The following NAA15 variants were observed in gnomAD, a reference collection of about 807,000 sequenced individuals.
NAA15 encodes the protein N-terminal acetyltransferase.
In NAA15, 34 loss-of-function variants were observed where a neutral mutation model predicts 114.0. The ratio of observed to expected loss-of-function variants is 0.30; its 90% CI spans 0.23 to 0.40. The LOEUF is 0.40. Among genes scored for constraint, NAA15 ranks in the 10% least tolerant of loss-of-function variants. The probability of loss-of-function intolerance (pLI) is 1.00; values close to 1 mark genes in which losing one functional copy is unlikely to be tolerated. For synonymous variants in NAA15, 340 were observed against 338.0 expected (o/e 1.01, Z -0.06); for missense variants, 658 against 1,004.5 (o/e 0.66, Z 4.66).
At chr4:139,373,220 T>C (rs1748493076) in intron 15 of NAA15, among the ~76,000 whole-genome samples, 1 of 152,166 alleles carries the variant, frequency 6.6e-6, no homozygotes, top group Non-Finnish European at 1.5e-5. Context: ...ATAGGGTGTA[T>C]GTACACAAAC....
chr4:139,321,639 T>TC (rs2110865174), intron 1 of NAA15, among the ~76,000 whole-genome samples: 1 of 81,356 alleles, frequency 1.2e-5, no homozygotes, highest in African/African-American at 3.9e-5. Context: ...GCCTGGCTAA[T>TC]TTTTTTTTTT....
In NAA15 at chr4:139,344,234, C is replaced by T. The variant is rs777945946; in HGVS notation, c.586C>T (p.Gln196Ter). The T allele has an allele frequency of 6.2e-7, 1 of 1,612,826 alleles. No homozygotes were observed. Among genetic ancestry groups the T allele is most frequent in the Non-Finnish European group, 8.5e-7 (1 of 1,179,146 alleles). ...DYEYSELLLY[Q>*]NQVLREAGLY... ...TGAATATAGTGAACTACTCTTATATCAGAATCAAGTTCTTCGGGAAGCAGG... is the reference window on the plus strand; with the variant it reads ...TGAATATAGTGAACTACTCTTATATTAGAATCAAGTTCTTCGGGAAGCAGG... Residue 196 changes from glutamine (Q) to a stop codon, truncating the protein, a stop_gained, in exon 6 of 20, where the codon CAG (glutamine) becomes TAG (stop). Coordinates refer to ENST00000296543, the MANE Select transcript of NAA15 (RefSeq NM_057175.5). LOFTEE classifies it high-confidence loss of function.
chr4:139,362,030 G>A, intron 14 of NAA15, 93 bp downstream of exon 14: 1 of 770,758 alleles, frequency 1.3e-6, no homozygotes, highest in Non-Finnish European at 2.0e-6. Context: ...TCCATGTCTT[G>A]AGCACCACGA....
chr4:139,338,469 T>C (rs1305115873), intron 3 of NAA15, among the ~76,000 whole-genome samples: 1 of 152,170 alleles, frequency 6.6e-6, no homozygotes, highest in Non-Finnish European at 1.5e-5. Context: ...TTTTTTTAGA[T>C]GGAGTTTTGA....
At chr4:139,364,329 T>C (rs1221399634) in intron 14 of NAA15, among the ~76,000 whole-genome samples, 1 of 152,118 alleles carries the variant, frequency 6.6e-6, no homozygotes, top group African/African-American at 2.4e-5. Context: ...AAAGGCTTTT[T>C]CTACTTAAAA....
At chr4:139,314,205 A>G (rs1746308209) in intron 1 of NAA15, among the ~76,000 whole-genome samples, 1 of 151,866 alleles carries the variant, frequency 6.6e-6, no homozygotes. Context: ...TCTGATGGTA[A>G]GTTGTAACAT....
chr4:139,388,173 C>A lies in NAA15; in HGVS notation c.*89C>A. The A allele has an allele frequency of 9.3e-7, 1 of 1,076,970 alleles. No homozygotes were observed. The highest frequency in any genetic ancestry group is 1.4e-6 in the Non-Finnish European group (1 of 740,198). 66.7% of individuals were successfully genotyped at this position (1,076,970 alleles called of 1,614,324 possible). On this transcript the variant is annotated 3_prime_UTR_variant, in exon 20 of 20. Coordinates refer to ENST00000296543, the MANE Select transcript of NAA15 (RefSeq NM_057175.5). The stretch of plus-strand genomic sequence containing the variant: ...GCACCTGCTGCATTGCTCTAACTTA[C>A]ACAGAATGAGAGGAGTAAATGTTCT...
intron 2 of NAA15, among the ~76,000 whole-genome samples, chr4:139,336,584 A>G (rs1443899596): frequency 6.6e-6 from 1 of 152,134 alleles, no homozygotes; most frequent in Non-Finnish European, 1.5e-5. Flanking sequence ...CTAGTCAAAT[A>G]GCATGCATTT....
At chr4:139,356,645 TA>T (rs796538831) in intron 10 of NAA15, 4 of 152,298 alleles carry the variant, frequency 2.6e-5, no homozygotes, top group African/African-American at 7.2e-5. Context: ...AAAAATTTTT[TA>T]AAAAGCAATC....
At chr4:139,344,428 A>C in intron 6 of NAA15, 89 bp downstream of exon 6, 2 of 1,076,880 alleles carry the variant, frequency 1.9e-6, no homozygotes, top group South Asian at 3.4e-5. Context: ...AGTTTCATAT[A>C]ATTCAGCTTT....
At chr4:139,309,566 C>T (rs547658480) in intron 1 of NAA15, among the ~76,000 whole-genome samples, 4 of 151,928 alleles carry the variant, frequency 2.6e-5, no homozygotes, top group Non-Finnish European at 5.9e-5. Flanking sequence ...CATGCTACTG[C>T]GCCTGGCCTG....
chr4:139,330,634 C>T (rs1579098402), intron 1 of NAA15, among the ~76,000 whole-genome samples: 1 of 152,142 alleles, frequency 6.6e-6, no homozygotes, highest in East Asian at 1.9e-4. Context: ...ACTCTATCTT[C>T]AGGATGGTGA....
At chr4:139,348,575 A>T (rs1747678460) in intron 6 of NAA15, among the ~76,000 whole-genome samples, 1 of 152,198 alleles carries the variant, frequency 6.6e-6, no homozygotes, top group Non-Finnish European at 1.5e-5. Flanking sequence ...GTAGTGGCTT[A>T]AAAATAATAC....
Position 139,334,197 on chromosome 4 carries a change from T to C in NAA15, c.78T>C (p.Tyr26=). 6.2e-7 allele frequency: 1 copy of C among 1,602,180 alleles called. No individual in the cohort carries two copies. Among genetic ancestry groups the C allele is most frequent in the Non-Finnish European group, 8.5e-7 (1 of 1,175,850 alleles). ...RILRCYEHKQ[Y]RNGLKFCKQI... ...AGAGGTGTTATGAACATAAACAGTA[T>C]AGAAATGGATTGAAATTCTGTAAAC... Residue 26 remains tyrosine (Y), a synonymous_variant, in exon 2 of 20, where the codon TAT becomes TAC. Coordinates refer to ENST00000296543, the MANE Select transcript of NAA15 (RefSeq NM_057175.5).
chr4:139,380,258 TGG>T (rs35235136), intron 17 of NAA15, among the ~76,000 whole-genome samples: 2,253 of 144,032 alleles, frequency 0.016, 53 homozygotes, highest in African/African-American at 0.052. Context: ...TTAGTTTTTT[TGG>T]GGGGGGGGAG....
intron 13 of NAA15, among the ~76,000 whole-genome samples, chr4:139,360,897 TTGC>T: frequency 6.6e-6 from 1 of 152,152 alleles, no homozygotes; most frequent in East Asian, 1.9e-4. Context: ...ACCTTCCAAA[TTGC>T]TGCTGCCGCT....
At chr4:139,344,386 G>T in intron 6 of NAA15, 47 bp downstream of exon 6, 1 of 1,485,128 alleles carries the variant, frequency 6.7e-7, no homozygotes, top group South Asian at 1.3e-5. Flanking sequence ...AAATATGACA[G>T]AGCAAGGCTG....
rs778036654 is a variant in NAA15, at chr4:139,342,992, A to C, written c.537+32A>C. The C allele has an allele frequency of 3.8e-6, 6 of 1,573,380 alleles. No individual in the cohort carries two copies. The South Asian group carries it at 5.7e-5, about 15-fold the overall frequency. On this transcript the variant is annotated intron_variant, in intron 5 of 19. Transcript: ENST00000296543. ...ACTAGAAGCCATTTTACTAAGTCTGATCCTAAGTATAACTAAAAAAATAAT... is the reference window on the plus strand; with the variant it reads ...ACTAGAAGCCATTTTACTAAGTCTGCTCCTAAGTATAACTAAAAAAATAAT...
intron 1 of NAA15, among the ~76,000 whole-genome samples, chr4:139,304,636 T>C (rs1376867752): frequency 1.3e-5 from 2 of 152,248 alleles, no homozygotes; most frequent in East Asian, 3.8e-4. Flanking sequence ...ATTTTAAAAA[T>C]TTGTATTTTT....
Sources: allele counts gnomAD v4.1 joint callset (sites outside exome capture counted in the v4.1 genomes callset), GRCh38; gene constraint gnomAD v4.1.1; transcripts MANE v1.5; gene names NCBI Gene and HGNC (gene_info 2026-07-23, HGNC 2026-07-21).